SSX1: variants seen among roughly 807,000 people sequenced by gnomAD.
SSX1 encodes protein SSX1.
SSX1 carries 58 observed loss-of-function variants against 14.6 expected under a neutral mutation model. The ratio of observed to expected loss-of-function variants is 3.96; its 90% CI spans 3.21 to 4.93. SSX1 has a LOEUF of 4.93. Among genes scored for constraint, SSX1 ranks in the 30% most tolerant of loss-of-function variants. The pLI is 0.00. For synonymous variants in SSX1, 46 were observed against 52.1 expected, an observed-to-expected ratio of 0.88 and a Z score of 0.50; for missense variants, 272 against 143.1, an observed-to-expected ratio of 1.90 and a Z score of -4.60.
At chrX:48,256,237 C>G (rs2059580652) in intron 1 of SSX1, among the ~76,000 whole-genome samples, 1 of 110,126 alleles carries the variant, frequency 9.1e-6, no homozygotes, top group Non-Finnish European at 1.9e-5. Flanking sequence ...CTCCTGGGCT[C>G]AAGAGATCCT....
At chrX:48,263,505 G>A (rs2059612169) in intron 5 of SSX1, among the ~76,000 whole-genome samples, 1 of 111,147 alleles carries the variant, frequency 9.0e-6, no homozygotes, top group Admixed American at 9.7e-5. Context: ...AATATTCTGT[G>A]TACTACACTC....
At chrX:48,263,318 C>T (rs1490001351) in intron 5 of SSX1, among the ~76,000 whole-genome samples, 6 of 110,343 alleles carry the variant, frequency 5.4e-5, no homozygotes, top group Non-Finnish European at 5.7e-5. Context: ...CTTTACCTCT[C>T]CCTTCCCTGT....
In SSX1 at chrX:48,263,814, TG is replaced by T; in HGVS notation, c.364del (p.Asp122IlefsTer54). ...MPKKPAEDEN[D>X]SKGVSEASGP... is the part of the protein sequence containing the mutation. Reference sequence around the variant, plus strand: ...CCAAGAAGCCAGCAGAGGACGAAAATGATTCGAAGGGAGTGTCAGAAGCATC... The same window carrying T: ...CCAAGAAGCCAGCAGAGGACGAAAATATTCGAAGGGAGTGTCAGAAGCATC... On this transcript the variant is annotated frameshift_variant, in exon 6 of 8. Coordinates refer to ENST00000376919, the MANE Select transcript of SSX1 (RefSeq NM_005635.4). LOFTEE classifies it high-confidence loss of function. The T allele has an allele frequency of 1.7e-6, 2 of 1,211,066 alleles. No homozygotes were observed. The highest frequency in any genetic ancestry group is 2.2e-6 in the Non-Finnish European group (2 of 895,256).
At chrX:48,259,768 A>G (rs2059597549) in intron 4 of SSX1, among the ~76,000 whole-genome samples, 1 of 108,948 alleles carries the variant, frequency 9.2e-6, no homozygotes, top group African/African-American at 3.3e-5. Flanking sequence ...ATGTCCCTGC[A>G]AAGGACATGA....
At chrX:48,263,670 C>T (rs782195085) in intron 5 of SSX1, 112 bp from the exon 6 acceptor site, 31 of 1,037,394 alleles carry the variant, frequency 3.0e-5, no homozygotes, top group East Asian at 2.5e-4. Flanking sequence ...TAACTCTCCC[C>T]GCGTTGTTGA....
intron 1 of SSX1, among the ~76,000 whole-genome samples, chrX:48,256,535 A>C (rs1439276360): frequency 3.2e-5 from 3 of 92,498 alleles, no homozygotes; most frequent in Non-Finnish European, 6.2e-5. Context: ...TCCTGGGCTC[A>C]AGAGATCTGC....
intron 6 of SSX1, among the ~76,000 whole-genome samples, chrX:48,266,083 A>C (rs1381113409): frequency 1.8e-5 from 2 of 112,180 alleles, no homozygotes; most frequent in Non-Finnish European, 3.8e-5. Context: ...AGAAGGAGCC[A>C]GAAGCTAAAA....
At chrX:48,258,185 CTTTTTTT>C (rs1201912440) in intron 3 of SSX1, among the ~76,000 whole-genome samples, 32 of 72,948 alleles carry the variant, frequency 4.4e-4, no homozygotes, top group Middle Eastern at 0.022. Flanking sequence ...CTCTCTCTCC[CTTTTTTT>C]TTTTTTTTTT....
intron 4 of SSX1, among the ~76,000 whole-genome samples, chrX:48,260,599 G>T (rs1454691136): frequency 1.8e-5 from 2 of 111,335 alleles, no homozygotes; most frequent in Admixed American, 1.9e-4. Context: ...CGACATGATC[G>T]TATACCTAGA....
At chrX:48,266,069 C>A (rs1171783438) in intron 6 of SSX1, among the ~76,000 whole-genome samples, 1 of 111,901 alleles carries the variant, frequency 8.9e-6, no homozygotes, top group Non-Finnish European at 1.9e-5. Flanking sequence ...CTAAACGTCA[C>A]AACAGAAGGA....
At position 48,266,326 on chromosome X, in the gene SSX1, G is replaced by A. The variant is rs143756961; in HGVS notation, c.506G>A (p.Arg169His). 5.1e-4 allele frequency: 621 copies of A among 1,208,214 alleles called. No homozygotes were observed. Among genetic ancestry groups the A allele is most frequent in the Middle Eastern group, 9.6e-4 (3 of 3,111 alleles). The change falls in exon 7 of 8, where the codon CGT (arginine) becomes CAT (histidine). Residue 169 changes from arginine (R) to histidine (H), a missense_variant. Arg to His is a conservative substitution (Grantham distance 29, BLOSUM62 0). Transcript: ENST00000376919. ...AAACATGCCTGGACCCACAGACTGCGTGAGAGAAAGCAGCTGGTGATTTAT... is the reference window on the plus strand; with the variant it reads ...AAACATGCCTGGACCCACAGACTGCATGAGAGAAAGCAGCTGGTGATTTAT... ...RGKHAWTHRL[R>H]ERKQLVIYEE...
At position 48,267,385 on chromosome X, in the gene SSX1, TC is replaced by T; in HGVS notation, c.*540del. On this transcript the variant is annotated 3_prime_UTR_variant, in exon 8 of 8. Transcript: ENST00000376919. ...ACTCTGTTTCCTGTTCAGCATGTAC[TC>T]CCCTCATCCGATTCCCCTGTATCAG... 1 of 175,843 alleles carries T rather than the reference TC, an allele frequency of 5.7e-6. No individual in the cohort carries two copies. The highest frequency in any genetic ancestry group is 7.1e-5 in the Admixed American group (1 of 14,072). 14.5% of individuals were successfully genotyped at this position (175,843 alleles called of 1,213,427 possible).
rs2059623081 is a variant in SSX1, at chrX:48,266,296, G to C, written c.476G>C (p.Arg159Thr). Residue 159 changes from arginine (R) to threonine (T), a missense_variant, in exon 7 of 8, where the codon AGG becomes ACG. Coordinates refer to ENST00000376919, the MANE Select transcript of SSX1 (RefSeq NM_005635.4). ...EKINKRSGPK[R>T]GKHAWTHRLR... is the part of the protein sequence containing the mutation. ...CTCTTCTCCATCATAGGACCCAAAA[G>C]GGGGAAACATGCCTGGACCCACAGA... 2.5e-6 allele frequency: 3 copies of C among 1,207,892 alleles called. No homozygotes were observed. The highest frequency in any genetic ancestry group is 2.2e-5 in the Admixed American group (1 of 45,671).
chrX:48,262,768 G>A (rs1556935712), intron 5 of SSX1, among the ~76,000 whole-genome samples: 1 of 111,985 alleles, frequency 8.9e-6, no homozygotes, highest in African/African-American at 3.2e-5. Context: ...ATGTTTACAA[G>A]CTCAGAGAGG....
At chrX:48,256,455 GTTTTTTTT>G (rs1190862256) in intron 1 of SSX1, among the ~76,000 whole-genome samples, 2 of 31,158 alleles carry the variant, frequency 6.4e-5, no homozygotes, top group Non-Finnish European at 1.1e-4. Flanking sequence ...TTGTGTGGTT[GTTTTTTTT>G]TTTTTTTTTT....
intron 6 of SSX1, among the ~76,000 whole-genome samples, chrX:48,265,081 T>G (rs2059618505): frequency 8.9e-6 from 1 of 112,490 alleles, no homozygotes; most frequent in Non-Finnish European, 1.9e-5. Flanking sequence ...TAAGGGAATG[T>G]TGTGGCTGGT....
At chrX:48,266,735 G>C in intron 7 of SSX1, 119 bp from the exon 8 acceptor site, 1 of 544,039 alleles carries the variant, frequency 1.8e-6, no homozygotes, top group Non-Finnish European at 3.1e-6. Context: ...GCGTGTCCAG[G>C]TCCTGGGGTA....
rs1408747192 is a variant in SSX1, at chrX:48,267,277, AC to A, written c.*429del. 4 of 202,970 alleles carry A rather than the reference AC, an allele frequency of 2.0e-5. No homozygotes were observed. The highest frequency in any genetic ancestry group is 8.3e-5 in the East Asian group (1 of 12,023). The allele number at this position is 202,970 out of a possible 1,213,427, so 16.7% of individuals were successfully genotyped here. A position where few individuals can be genotyped will look rare whatever the true frequency, so the allele number is the denominator to read the frequency against. The stretch of plus-strand genomic sequence containing the variant: ...CATTTACACACACACACACACACAC[AC>A]GCACACACACACACCAAGTACCAGT... On this transcript the variant is annotated 3_prime_UTR_variant, in exon 8 of 8. Coordinates refer to ENST00000376919, the MANE Select transcript of SSX1 (RefSeq NM_005635.4).
chrX:48,261,461 T>C (rs143102081), intron 4 of SSX1, among the ~76,000 whole-genome samples: 2,365 of 112,248 alleles, frequency 0.021, 28 homozygotes, highest in Middle Eastern at 0.046. Context: ...GTGATTACAG[T>C]TTACATTCCC....
Sources: gnomAD v4.1 joint callset for allele counts (sites outside exome capture counted in the v4.1 genomes callset) on GRCh38, gnomAD v4.1.1 for gene constraint, MANE v1.5 for transcripts, NCBI Gene and HGNC (gene_info 2026-07-23, HGNC 2026-07-21) for gene names.